CSMD1: variants seen among roughly 807,000 people sequenced by gnomAD.
CSMD1 encodes CUB and Sushi multiple domains 1.
A neutral mutation model predicts 417.5 loss-of-function variants in CSMD1; 213 were observed. The observed-to-expected ratio is 0.51, with a 90% CI of 0.46 to 0.57. The LOEUF (loss-of-function observed/expected upper bound fraction) is 0.57, where lower values mean the gene tolerates loss of function less well. Ranked by LOEUF, CSMD1 falls within the 20% of genes least tolerant of loss-of-function variation. The pLI is 0.00. For synonymous variants in CSMD1, 2,862 were observed against 1,736.8 expected, an observed-to-expected ratio of 1.65 and a Z score of -16.11; for missense variants, 6,923 against 4,529.7, an observed-to-expected ratio of 1.53 and a Z score of -15.17.
At chr8:4,091,118 C>A (rs932052471) in intron 3 of CSMD1, among the ~76,000 whole-genome samples, 8 of 152,104 alleles carry the variant, frequency 5.3e-5, no homozygotes, top group African/African-American at 1.9e-4. Context: ...GGGGTTTCAC[C>A]ATTTTGGCCA....
chr8:2,978,411 C>G (rs1339887842), intron 55 of CSMD1, among the ~76,000 whole-genome samples: 2 of 152,172 alleles, frequency 1.3e-5, no homozygotes, highest in African/African-American at 4.8e-5. Context: ...CCAGCATCCC[C>G]CGACCCTTCA....
chr8:4,013,049 G>C (rs893787783), intron 4 of CSMD1, among the ~76,000 whole-genome samples: 5 of 151,994 alleles, frequency 3.3e-5, no homozygotes, highest in Non-Finnish European at 5.9e-5. Flanking sequence ...TCCCTTCTCA[G>C]CTTATGTTCT....
chr8:4,113,159 C>T (rs1209057700), intron 3 of CSMD1, among the ~76,000 whole-genome samples: 3 of 152,098 alleles, frequency 2.0e-5, no homozygotes, highest in Admixed American at 6.6e-5. Flanking sequence ...TCTCCCTCCT[C>T]GGGCCTTCCT....
At chr8:4,055,145 A>T (rs1194496850) in intron 3 of CSMD1, among the ~76,000 whole-genome samples, 3 of 152,224 alleles carry the variant, frequency 2.0e-5, no homozygotes, top group African/African-American at 7.2e-5. Context: ...GGCCTACTTC[A>T]GAAACTGTTT....
At chr8:4,968,751 C>T (rs1810044698) in intron 1 of CSMD1, among the ~76,000 whole-genome samples, 1 of 152,186 alleles carries the variant, frequency 6.6e-6, no homozygotes, top group South Asian at 2.1e-4. Flanking sequence ...CAGACCTTAC[C>T]ATGTCTCTTC....
chr8:4,633,936 G>C (rs1403685927), intron 2 of CSMD1, among the ~76,000 whole-genome samples: 1 of 150,786 alleles, frequency 6.6e-6, no homozygotes, highest in East Asian at 1.9e-4. Flanking sequence ...TGGGAAGCAA[G>C]AGGAAATGCA....
chr8:4,110,718 C>T (rs1482085612), intron 3 of CSMD1, among the ~76,000 whole-genome samples: 1 of 151,764 alleles, frequency 6.6e-6, no homozygotes, highest in Non-Finnish European at 1.5e-5. Flanking sequence ...TTTTTTTTCC[C>T]CTTTCTCATG....
At chr8:4,022,803 A>C (rs991805188) in intron 4 of CSMD1, among the ~76,000 whole-genome samples, 1 of 152,214 alleles carries the variant, frequency 6.6e-6, no homozygotes, top group Admixed American at 6.5e-5. Flanking sequence ...GCAATCGTGT[A>C]AGTTAGAGAA....
Position 4,063,066 on chromosome 8 carries a change from A to G in CSMD1, c.416-30967T>C, listed in dbSNP as rs373484964. Among the ~76,000 whole-genome samples, 25 of 152,318 alleles carry G rather than the reference A, an allele frequency of 1.6e-4. No homozygotes were observed. In the East Asian group the frequency reaches 4.2e-3, roughly 26 times the overall value. ...TGGCTAATAGGGATAAATATATGAG[A>G]GAGAAGAAAAACGTTCTAATGTTTG... On this transcript the variant is annotated intron_variant, in intron 3 of 69. Transcript: ENST00000635120.
intron 49 of CSMD1, among the ~76,000 whole-genome samples, chr8:3,072,718 T>C (rs977751984): frequency 6.6e-6 from 1 of 152,198 alleles, no homozygotes; most frequent in East Asian, 1.9e-4. Context: ...TCTGAACTTT[T>C]CATCTCCACT....
intron 7 of CSMD1, among the ~76,000 whole-genome samples, chr8:3,620,230 C>T (rs1449511112): frequency 6.6e-6 from 1 of 152,048 alleles, no homozygotes; most frequent in African/African-American, 2.4e-5. Context: ...TAAGACACTC[C>T]CAGATAATCA....
chr8:4,382,030 G>T (rs528008933), intron 3 of CSMD1, among the ~76,000 whole-genome samples: 5 of 152,146 alleles, frequency 3.3e-5, no homozygotes, highest in African/African-American at 9.7e-5. Context: ...GCTGGGGTCT[G>T]AATTTCTGTT....
At chr8:3,408,372 C>A in intron 13 of CSMD1, 147 bp from the exon 14 acceptor site, 1 of 636,066 alleles carries the variant, frequency 1.6e-6, no homozygotes, top group Non-Finnish European at 2.7e-6. Context: ...TAATTCTGGA[C>A]CATAATGTTT....
intron 1 of CSMD1, among the ~76,000 whole-genome samples, chr8:4,726,134 G>A (rs1464055448): frequency 1.3e-5 from 2 of 152,014 alleles, no homozygotes; most frequent in East Asian, 3.9e-4. Context: ...ACGTCATCTG[G>A]GCGAGCCATT....
intron 1 of CSMD1, among the ~76,000 whole-genome samples, chr8:4,702,149 A>AAATTC (rs1336319913): frequency 2.0e-5 from 3 of 152,184 alleles, no homozygotes; most frequent in Non-Finnish European, 2.9e-5. Context: ...AAAAATAGCT[A>AAATTC]ATGAATGCTG....
At chr8:4,355,585 C>G (rs1801380436) in intron 3 of CSMD1, among the ~76,000 whole-genome samples, 1 of 152,118 alleles carries the variant, frequency 6.6e-6, no homozygotes, top group Non-Finnish European at 1.5e-5. Flanking sequence ...TGGTGAGGGA[C>G]CAGAGTGTTC....
chr8:3,345,141 A>G (rs574161832), intron 22 of CSMD1, among the ~76,000 whole-genome samples: 1 of 152,228 alleles, frequency 6.6e-6, no homozygotes, highest in Non-Finnish European at 1.5e-5. Flanking sequence ...CTAGACACTC[A>G]GTGAAGCCCC....
intron 49 of CSMD1, among the ~76,000 whole-genome samples, chr8:3,082,631 C>G (rs1358102747): frequency 1.3e-5 from 2 of 152,198 alleles, no homozygotes; most frequent in South Asian, 4.1e-4. Context: ...GAAAAGAAAA[C>G]AGCCATAACT....
intron 2 of CSMD1, among the ~76,000 whole-genome samples, chr8:4,451,511 T>C (rs955495944): frequency 6.6e-6 from 1 of 152,140 alleles, no homozygotes; most frequent in Admixed American, 6.6e-5. Context: ...CAAGTTTTCT[T>C]ATCACAAAAA....
Sources: gnomAD v4.1 joint callset for allele counts (sites outside exome capture counted in the v4.1 genomes callset) on GRCh38, gnomAD v4.1.1 for gene constraint, MANE v1.5 for transcripts, NCBI Gene and HGNC (gene_info 2026-07-23, HGNC 2026-07-21) for gene names.